WWOX: variants seen among roughly 807,000 people sequenced by gnomAD.
WWOX encodes WW domain-containing oxidoreductase.
Under a neutral mutation model 46.2 loss-of-function variants are expected in WWOX, and 69 were observed. The observed-to-expected ratio is 1.49, with a 90% confidence interval of 1.23 to 1.82. WWOX has a LOEUF of 1.82. WWOX is among the 40% of genes most tolerant of loss of function. WWOX has a pLI of 0.00. For synonymous variants in WWOX, 359 were observed against 202.6 expected (o/e 1.77, Z -6.56); for missense variants, 919 against 542.6 (o/e 1.69, Z -6.89).
At chr16:78,910,609 T>C (rs1477144122) in intron 8 of WWOX, among the ~76,000 whole-genome samples, 2 of 151,952 alleles carry the variant, frequency 1.3e-5, no homozygotes, top group Non-Finnish European at 2.9e-5. Flanking sequence ...AGAGGTTTAA[T>C]GGACTCACAA....
At chr16:78,388,969 C>CA (rs71137896) in intron 6 of WWOX, among the ~76,000 whole-genome samples, 65,737 of 129,118 alleles carry the variant, frequency 0.51, 18,296 homozygotes, top group Non-Finnish European at 0.67. Context: ...AACTCTGTCT[C>CA]AAAAAAAAAA....
At chr16:78,199,747 C>G (rs2036174431) in intron 5 of WWOX, among the ~76,000 whole-genome samples, 1 of 152,052 alleles carries the variant, frequency 6.6e-6, no homozygotes, top group South Asian at 2.1e-4. Flanking sequence ...AAAAAAATCA[C>G]ATTTGTGAAT....
intron 8 of WWOX, among the ~76,000 whole-genome samples, chr16:79,132,137 C>G (rs1354966238): frequency 1.1e-5 from 1 of 94,272 alleles, no homozygotes; most frequent in Admixed American, 1.1e-4. Flanking sequence ...AACACACACA[C>G]ACACACACAC....
chr16:79,179,366 A>G (rs377357076), intron 8 of WWOX, among the ~76,000 whole-genome samples: 20 of 152,278 alleles, frequency 1.3e-4, no homozygotes, highest in African/African-American at 4.8e-4. Context: ...CCTTATTCCT[A>G]GGCAGACTTC....
At chr16:78,932,324 G>A (rs1407205127) in intron 8 of WWOX, among the ~76,000 whole-genome samples, 1 of 152,158 alleles carries the variant, frequency 6.6e-6, no homozygotes, top group African/African-American at 2.4e-5. Context: ...GTGACCTAAC[G>A]CAGTCCTTGA....
intron 8 of WWOX, among the ~76,000 whole-genome samples, chr16:78,614,419 C>T (rs531107577): frequency 2.6e-4 from 40 of 152,314 alleles, no homozygotes; most frequent in African/African-American, 9.1e-4. Flanking sequence ...GCCTTTGAGC[C>T]GGGGCCCTGA....
chr16:78,898,611 A>C (rs939522862), intron 8 of WWOX: 2 of 152,082 alleles, frequency 1.3e-5, no homozygotes, highest in African/African-American at 4.8e-5. Context: ...TTCCTTTTAC[A>C]TATATATTTC....
chr16:78,391,505 C>G (rs752172845), intron 6 of WWOX, among the ~76,000 whole-genome samples: 3 of 152,192 alleles, frequency 2.0e-5, no homozygotes, highest in East Asian at 1.9e-4. Flanking sequence ...ACACTTCAGT[C>G]ATAGGAATTT....
chr16:78,743,085 CGAAGGAAACATCCGTCTCTCTCCTT>C (rs1567530337), intron 8 of WWOX, among the ~76,000 whole-genome samples: 2 of 151,988 alleles, frequency 1.3e-5, no homozygotes. Context: ...GATCAGCCCC[CGAAGGAAACATCCGTCTCTCTCCTT>C]GGAGGAGACA....
intron 8 of WWOX, among the ~76,000 whole-genome samples, chr16:79,185,876 G>A (rs2051003475): frequency 6.6e-6 from 1 of 152,078 alleles, no homozygotes; most frequent in South Asian, 2.1e-4. Context: ...TAAATTTAGT[G>A]CTCAGATATC....
intron 8 of WWOX, among the ~76,000 whole-genome samples, chr16:79,005,790 G>A (rs1276397851): frequency 6.6e-6 from 1 of 152,140 alleles, no homozygotes; most frequent in Non-Finnish European, 1.5e-5. Context: ...GAGGCCCTGG[G>A]TGGACATGCA....
intron 8 of WWOX, among the ~76,000 whole-genome samples, chr16:78,912,214 A>G (rs2045129894): frequency 6.6e-6 from 1 of 152,046 alleles, no homozygotes. Flanking sequence ...AACTGAACAA[A>G]GCCCCAGTTG....
chr16:78,909,864 C>G (rs1361509081), intron 8 of WWOX, among the ~76,000 whole-genome samples: 1 of 152,162 alleles, frequency 6.6e-6, no homozygotes, highest in Non-Finnish European at 1.5e-5. Flanking sequence ...GCAAATGGCA[C>G]ATTGCATGCT....
chr16:79,125,172 A>C (rs917598008), intron 8 of WWOX, among the ~76,000 whole-genome samples: 1 of 152,016 alleles, frequency 6.6e-6, no homozygotes, highest in Non-Finnish European at 1.5e-5. Flanking sequence ...ATGAATATTC[A>C]TTTTAACATC....
Position 78,848,579 on chromosome 16 carries a change from T to C in WWOX, c.1057-363029T>C, listed in dbSNP as rs1411727626. Among the ~76,000 whole-genome samples, 4 of 152,158 alleles carry C rather than the reference T, an allele frequency of 2.6e-5. 1 individual carries two copies. The South Asian group carries it at 8.3e-4, about 32-fold the overall frequency. ...TAAGGGTACGGGGAACCTGGCCTGG[T>C]GTTGGGAGGAAACAGGGTGCAGAGT... On this transcript the variant is annotated intron_variant, in intron 8 of 8. Transcript: ENST00000566780.
intron 8 of WWOX, among the ~76,000 whole-genome samples, chr16:79,068,768 A>C (rs2048489917): frequency 6.6e-6 from 1 of 151,320 alleles, no homozygotes. Flanking sequence ...ATATGACCTC[A>C]CCACTGCCCT....
At chr16:78,956,834 C>A (rs1471146861) in intron 8 of WWOX, among the ~76,000 whole-genome samples, 1 of 152,104 alleles carries the variant, frequency 6.6e-6, no homozygotes, top group African/African-American at 2.4e-5. Flanking sequence ...GCTGTGCCCA[C>A]TTTTGGAAAT....
chr16:78,820,212 A>C (rs1401695638), intron 8 of WWOX, among the ~76,000 whole-genome samples: 1 of 152,106 alleles, frequency 6.6e-6, no homozygotes, highest in African/African-American at 2.4e-5. Flanking sequence ...TGTTGTAAGA[A>C]AGCAAGAACA....
chr16:78,441,207 C>T (rs2083437488), intron 8 of WWOX, among the ~76,000 whole-genome samples: 1 of 152,184 alleles, frequency 6.6e-6, no homozygotes, highest in Non-Finnish European at 1.5e-5. Context: ...CAGATGTGAG[C>T]CACTGCACCC....
Sources: allele counts gnomAD v4.1 joint callset (sites outside exome capture counted in the v4.1 genomes callset), GRCh38; gene constraint gnomAD v4.1.1; transcripts MANE v1.5; gene names NCBI Gene and HGNC (gene_info 2026-07-23, HGNC 2026-07-21).